KAZN: variants seen among roughly 807,000 people sequenced by gnomAD.
KAZN encodes the protein kazrin.
KAZN carries 40 observed loss-of-function variants against 87.4 expected under a neutral mutation model. The observed-to-expected ratio is 0.46, with a 90% CI of 0.36 to 0.60. KAZN has a LOEUF of 0.60. Among genes scored for constraint, KAZN ranks in the 20% least tolerant of loss-of-function variants. The probability of loss-of-function intolerance (pLI) is 0.00; values close to 1 mark genes in which losing one functional copy is unlikely to be tolerated. For missense variants in KAZN, 898 were observed against 1,073.9 expected, an observed-to-expected ratio of 0.84 and a Z score of 2.29; for synonymous variants, 466 against 458.3, an observed-to-expected ratio of 1.02 and a Z score of -0.22.
intron 1 of KAZN, among the ~76,000 whole-genome samples, chr1:14,847,023 G>C (rs1192685756): frequency 2.6e-5 from 4 of 152,174 alleles, no homozygotes; most frequent in Admixed American, 2.0e-4. Flanking sequence ...CGAGAAGTAG[G>C]CTCAGGGAAT....
intron 1 of KAZN, among the ~76,000 whole-genome samples, chr1:14,697,137 C>T (rs1198290190): frequency 9.2e-6 from 1 of 108,680 alleles, no homozygotes; most frequent in Non-Finnish European, 2.0e-5. Flanking sequence ...ACAAACAAAC[C>T]AACAAAAAAA....
At chr1:14,014,712 A>G (rs1640480941) in intron 1 of KAZN, among the ~76,000 whole-genome samples, 1 of 152,268 alleles carries the variant, frequency 6.6e-6, no homozygotes, top group African/African-American at 2.4e-5. Context: ...TGTTGGAAGG[A>G]GCAAGATGCA....
At chr1:14,200,585 T>A (rs988400745) in intron 2 of KAZN, among the ~76,000 whole-genome samples, 2 of 152,236 alleles carry the variant, frequency 1.3e-5, no homozygotes, top group Non-Finnish European at 2.9e-5. Context: ...ATTTGTAATA[T>A]ATTGGTAACA....
At chr1:14,855,061 G>A (rs1280974334) in intron 1 of KAZN, among the ~76,000 whole-genome samples, 1 of 152,098 alleles carries the variant, frequency 6.6e-6, no homozygotes, top group Non-Finnish European at 1.5e-5. Flanking sequence ...GGAGTGCAGA[G>A]GAGGTGGGTG....
In KAZN at chr1:13,917,538, G is replaced by A. The variant is rs145003192; in HGVS notation, c.91+23782G>A. Among the ~76,000 whole-genome samples the A allele has an allele frequency of 5.0e-3, 755 of 152,240 alleles. 6 individuals are homozygous for A. The highest frequency in any genetic ancestry group is 0.017 in the African/African-American group (712 of 41,534). On this transcript the variant is annotated intron_variant, in intron 1 of 16. Coordinates refer to the KAZN transcript ENST00000636203. ...CGGCTGGGTGTGGTGTCTCACACCTGTAATCCCAGCATTTTGGGAGGCGGA... is the reference window on the plus strand; with the variant it reads ...CGGCTGGGTGTGGTGTCTCACACCTATAATCCCAGCATTTTGGGAGGCGGA...
At chr1:15,003,158 G>A (rs956802742) in intron 2 of KAZN, among the ~76,000 whole-genome samples, 4 of 152,110 alleles carry the variant, frequency 2.6e-5, no homozygotes, top group African/African-American at 4.8e-5. Context: ...CGTGGCACTC[G>A]TTAGCCTCAC....
At chr1:14,967,751 C>G (rs559796367) in intron 2 of KAZN, among the ~76,000 whole-genome samples, 74 of 152,334 alleles carry the variant, frequency 4.9e-4, no homozygotes, top group African/African-American at 1.7e-3. Context: ...TGCAGGCGAC[C>G]TCTAGAAGCT....
intron 2 of KAZN, among the ~76,000 whole-genome samples, chr1:14,331,928 C>T (rs1656887723): frequency 6.6e-6 from 1 of 152,032 alleles, no homozygotes; most frequent in South Asian, 2.1e-4. Flanking sequence ...AAAATTTTGA[C>T]AATTTTTATA....
intron 1 of KAZN, among the ~76,000 whole-genome samples, chr1:14,808,898 C>T (rs1004299456): frequency 6.6e-6 from 1 of 152,118 alleles, no homozygotes; most frequent in African/African-American, 2.4e-5. Flanking sequence ...CTGGAGAAGC[C>T]TTCCCTCATG....
intron 2 of KAZN, among the ~76,000 whole-genome samples, chr1:14,495,306 A>G (rs1225270257): frequency 6.6e-6 from 1 of 152,208 alleles, no homozygotes; most frequent in African/African-American, 2.4e-5. Flanking sequence ...TGTGACAGTA[A>G]TCATTTTGGC....
chr1:14,330,295 C>G (rs1034589850), intron 2 of KAZN, among the ~76,000 whole-genome samples: 1 of 152,158 alleles, frequency 6.6e-6, no homozygotes, highest in African/African-American at 2.4e-5. Flanking sequence ...AAGCTACTGC[C>G]CATTTCTCCC....
intron 2 of KAZN, among the ~76,000 whole-genome samples, chr1:14,533,545 C>A (rs915240332): frequency 6.6e-6 from 1 of 152,146 alleles, no homozygotes; most frequent in African/African-American, 2.4e-5. Context: ...ATGATTGTGT[C>A]GGCAACAGGA....
At chr1:14,109,333 A>G (rs1369091543) in intron 1 of KAZN, among the ~76,000 whole-genome samples, 1 of 152,226 alleles carries the variant, frequency 6.6e-6, no homozygotes, top group African/African-American at 2.4e-5. Flanking sequence ...TCAAACTCTT[A>G]TGATGCTATG....
chr1:14,995,165 G>T (rs933575231), intron 2 of KAZN, among the ~76,000 whole-genome samples: 2 of 152,342 alleles, frequency 1.3e-5, no homozygotes, highest in African/African-American at 4.8e-5. Context: ...TGAGCTCTGG[G>T]CAGTGCCCTC....
chr1:13,916,844 G>A (rs1444059273), intron 1 of KAZN, among the ~76,000 whole-genome samples: 1 of 152,084 alleles, frequency 6.6e-6, no homozygotes, highest in Admixed American at 6.5e-5. Context: ...GCAGAATGGG[G>A]CCTCATGGTT....
chr1:14,041,618 C>A (rs1641841413), intron 1 of KAZN, among the ~76,000 whole-genome samples: 1 of 152,182 alleles, frequency 6.6e-6, no homozygotes, highest in Non-Finnish European at 1.5e-5. Context: ...GACTGCTGAA[C>A]AGATTTTATC....
chr1:14,322,087 G>C (rs918445676), intron 2 of KAZN, among the ~76,000 whole-genome samples: 3 of 152,048 alleles, frequency 2.0e-5, no homozygotes, highest in African/African-American at 4.8e-5. Context: ...TCCACTGCTT[G>C]CTTAATCCTA....
rs551588801 is a variant in KAZN at position 14,353,470 on chromosome 1, C to A, written c.249+172878C>A. ...TCCTGACATTGTGATCCACCCTCCT[C>A]GGCCTCCCAAAGTGCTAGGATTACA... On this transcript the variant is annotated intron_variant, in intron 2 of 16. Transcript: ENST00000636203. Among the ~76,000 whole-genome samples the A allele has an allele frequency of 2.0e-5, 3 of 152,050 alleles. 1 individual carries two copies. In the South Asian group the frequency reaches 6.2e-4, roughly 32 times the overall value.
intron 1 of KAZN, among the ~76,000 whole-genome samples, chr1:14,812,887 G>T (rs1646455612): frequency 1.3e-5 from 2 of 152,170 alleles, no homozygotes; most frequent in Non-Finnish European, 2.9e-5. Flanking sequence ...CAGAAAAGAA[G>T]TAGAATCCTT....
Sources: allele counts gnomAD v4.1 joint callset (sites outside exome capture counted in the v4.1 genomes callset), GRCh38; gene constraint gnomAD v4.1.1; transcripts MANE v1.5; gene names NCBI Gene and HGNC (gene_info 2026-07-23, HGNC 2026-07-21).